KDM4C: variants seen among roughly 807,000 people sequenced by gnomAD.
KDM4C encodes lysine demethylase 4C, also known as lysine-specific demethylase 4C.
Under a neutral mutation model 129.3 loss-of-function variants are expected in KDM4C, and 81 were observed. That is an observed-to-expected ratio of 0.63 (90% CI 0.52 to 0.75). KDM4C has a LOEUF of 0.75. Among genes scored for constraint, KDM4C ranks in the 30% least tolerant of loss-of-function variants. The pLI is 0.00. For synonymous variants in KDM4C, 573 were observed against 456.1 expected, an observed-to-expected ratio of 1.26 and a Z score of -3.26; for missense variants, 1,457 against 1,304.0, an observed-to-expected ratio of 1.12 and a Z score of -1.81.
intron 4 of KDM4C, among the ~76,000 whole-genome samples, chr9:6,829,591 A>T (rs1834465356): frequency 1.3e-5 from 2 of 152,238 alleles, no homozygotes; most frequent in East Asian, 1.9e-4. Context: ...TTTATCCTAG[A>T]TGACTCCTAC....
intron 8 of KDM4C, among the ~76,000 whole-genome samples, chr9:6,916,632 A>C (rs1820364181): frequency 6.6e-6 from 1 of 152,246 alleles, no homozygotes; most frequent in African/African-American, 2.4e-5. Context: ...ATATATATTA[A>C]GCTTTAGTTA....
chr9:6,946,525 T>C (rs1417508607), intron 8 of KDM4C, among the ~76,000 whole-genome samples: 1 of 152,164 alleles, frequency 6.6e-6, no homozygotes, highest in African/African-American at 2.4e-5. Context: ...TTGTATGCCA[T>C]GCAGATTTTT....
intron 8 of KDM4C, among the ~76,000 whole-genome samples, chr9:6,940,857 AAT>A (rs1825810404): frequency 6.6e-6 from 1 of 152,022 alleles, no homozygotes; most frequent in South Asian, 2.1e-4. Flanking sequence ...GATAAAGTCT[AAT>A]ATACAGCATC....
At position 6,809,220 on chromosome 9, in the gene KDM4C, T is replaced by G. The variant is rs145036612; in HGVS notation, c.320+3446T>G. Among the ~76,000 whole-genome samples the G allele has an allele frequency of 1.2e-3, 184 of 152,338 alleles. 1 individual carries two copies. The highest frequency in any genetic ancestry group is 7.1e-3 in the East Asian group (37 of 5,190). The stretch of plus-strand genomic sequence containing the variant: ...TTTTTGGGTTGGTATTAATAGAGTT[T>G]TATTCTTTCAGATCTTATTAATCGA... On this transcript the variant is annotated intron_variant, in intron 3 of 21. Coordinates refer to ENST00000381309, the MANE Select transcript of KDM4C (RefSeq NM_015061.6).
intron 17 of KDM4C, among the ~76,000 whole-genome samples, chr9:7,078,147 C>T (rs946276307): frequency 6.6e-5 from 10 of 152,006 alleles, no homozygotes; most frequent in African/African-American, 2.4e-4. Context: ...GCCATATTGT[C>T]GTTGTCTCTG....
chr9:6,965,511 A>G (rs1380685990), intron 8 of KDM4C, among the ~76,000 whole-genome samples: 3 of 152,182 alleles, frequency 2.0e-5, no homozygotes, highest in Non-Finnish European at 2.9e-5. Flanking sequence ...GTTTATGGAT[A>G]TGTCAGCATA....
At chr9:6,824,356 T>C (rs1370379205) in intron 4 of KDM4C, among the ~76,000 whole-genome samples, 1 of 152,186 alleles carries the variant, frequency 6.6e-6, no homozygotes, top group African/African-American at 2.4e-5. Context: ...TATTGTGATC[T>C]GATAACAGAC....
intron 8 of KDM4C, among the ~76,000 whole-genome samples, chr9:6,973,641 A>G (rs758243009): frequency 6.6e-6 from 1 of 152,196 alleles, no homozygotes; most frequent in Non-Finnish European, 1.5e-5. Context: ...GTTTCTCTCA[A>G]GTGAGAGCAC....
At chr9:7,111,149 T>A (rs1386135416) in intron 18 of KDM4C, among the ~76,000 whole-genome samples, 1 of 152,198 alleles carries the variant, frequency 6.6e-6, no homozygotes, top group Non-Finnish European at 1.5e-5. Context: ...TGGGAAACAT[T>A]TATTTAATAC....
chr9:6,856,541 T>C (rs961862685), intron 5 of KDM4C, among the ~76,000 whole-genome samples: 16 of 97,342 alleles, frequency 1.6e-4, no homozygotes, highest in African/African-American at 5.5e-4. Context: ...TCTGTGTGCG[T>C]GTGTGTGTGT....
intron 8 of KDM4C, among the ~76,000 whole-genome samples, chr9:6,928,462 C>T (rs1371496977): frequency 6.6e-6 from 1 of 152,166 alleles, no homozygotes; most frequent in Non-Finnish European, 1.5e-5. Context: ...CCTGGTTAGA[C>T]CCTTTGTCAT....
rs141942078 is a variant in KDM4C at position 6,821,152 on chromosome 9, G to C, written c.435+6407G>C. ...ACATTTGGGTTGGTTCCAAGTCTTT[G>C]CTGTTGTGAATAGTGCAGCAGTAAA... On this transcript the variant is annotated intron_variant, in intron 4 of 21. Coordinates refer to ENST00000381309, the MANE Select transcript of KDM4C (RefSeq NM_015061.6). Among the ~76,000 whole-genome samples the C allele has an allele frequency of 3.2e-3, 490 of 152,108 alleles. 5 individuals are homozygous for C. The highest frequency in any genetic ancestry group is 0.011 in the African/African-American group (455 of 41,414).
intron 8 of KDM4C, among the ~76,000 whole-genome samples, chr9:6,956,809 G>A (rs1563882116): frequency 6.6e-6 from 1 of 152,148 alleles, no homozygotes; most frequent in East Asian, 1.9e-4. Flanking sequence ...ATGTTTTTTG[G>A]TAGCAGAATC....
intron 8 of KDM4C, among the ~76,000 whole-genome samples, chr9:6,957,352 G>C (rs960501296): frequency 2.0e-5 from 3 of 152,112 alleles, no homozygotes; most frequent in African/African-American, 4.8e-5. Flanking sequence ...ATGACTAGTT[G>C]CAAGAAGGAA....
chr9:6,979,324 G>A (rs916689048), intron 8 of KDM4C, among the ~76,000 whole-genome samples: 2 of 152,200 alleles, frequency 1.3e-5, no homozygotes, highest in Non-Finnish European at 2.9e-5. Flanking sequence ...ATTAGGTTCA[G>A]AGGAACAGTT....
chr9:7,129,108 CTTCTGCCTCA>C (rs897437479), intron 19 of KDM4C, among the ~76,000 whole-genome samples: 4 of 152,116 alleles, frequency 2.6e-5, no homozygotes, highest in Non-Finnish European at 5.9e-5. Context: ...GTAGTCATCA[CTTCTGCCTCA>C]TTCTGGGTCT....
At chr9:6,785,531 G>A (rs543514499) in intron 1 of KDM4C, among the ~76,000 whole-genome samples, 1 of 152,204 alleles carries the variant, frequency 6.6e-6, no homozygotes, top group East Asian at 1.9e-4. Context: ...TAGAGACAGG[G>A]TTTTGCCGTA....
intron 4 of KDM4C, among the ~76,000 whole-genome samples, chr9:6,848,898 TTTGAAGCATCAG>T (rs1390885584): frequency 6.6e-6 from 1 of 152,234 alleles, no homozygotes; most frequent in Non-Finnish European, 1.5e-5. Flanking sequence ...TAAATATTTA[TTTGAAGCATCAG>T]TAGAAGCACA....
At chr9:7,059,192 C>T (rs1831274131) in intron 17 of KDM4C, among the ~76,000 whole-genome samples, 1 of 152,112 alleles carries the variant, frequency 6.6e-6, no homozygotes, top group Non-Finnish European at 1.5e-5. Context: ...CTCTGTCACC[C>T]AGGTGGGAGT....
Sources: allele counts gnomAD v4.1 joint callset (sites outside exome capture counted in the v4.1 genomes callset), GRCh38; gene constraint gnomAD v4.1.1; transcripts MANE v1.5; gene names NCBI Gene and HGNC (gene_info 2026-07-23, HGNC 2026-07-21).